Variants in PIK3R6 observed in about 807,000 individuals in gnomAD.
PIK3R6 encodes the protein phosphoinositide 3-kinase regulatory subunit 6.
PIK3R6 carries 91 observed loss-of-function variants against 84.9 expected under a neutral mutation model. The ratio of observed to expected loss-of-function variants is 1.07; its 90% CI spans 0.90 to 1.28. PIK3R6 has a LOEUF of 1.28. PIK3R6 is among the 50% of genes most tolerant of loss of function. The pLI, the probability that PIK3R6 is intolerant of heterozygous loss-of-function variation, is 0.00. For missense variants in PIK3R6, 996 were observed against 985.1 expected, an observed-to-expected ratio of 1.01 and a Z score of -0.15; for synonymous variants, 416 against 411.4, an observed-to-expected ratio of 1.01 and a Z score of -0.13.
intron 2 of PIK3R6, among the ~76,000 whole-genome samples, chr17:8,848,413 G>T (rs949045341): frequency 6.6e-5 from 10 of 152,002 alleles, no homozygotes; most frequent in African/African-American, 2.4e-4. Flanking sequence ...AATATGTCAC[G>T]GGGCAATTTC....
chr17:8,840,614 T>G (rs2088645516), intron 2 of PIK3R6, among the ~76,000 whole-genome samples: 1 of 147,804 alleles, frequency 6.8e-6, no homozygotes, highest in African/African-American at 2.5e-5. Context: ...GTATATGAAA[T>G]GTATATCCTC....
At position 8,829,742 on chromosome 17, in the gene PIK3R6, T is replaced by G; in HGVS notation, c.853A>C (p.Ile285Leu). Residue 285 changes from isoleucine (I) to leucine (L), a missense_variant, in exon 10 of 20, where the codon ATC (isoleucine) becomes CTC (leucine). Transcript: ENST00000619866. ...TCACCGGTCCACAAGTGGAAGGTGA[T>G]GTAGGGGCTGGGCAGGGGAATGCTT... ...PPSIPLPSPY[I>L]TFHLWTGEEQ... 1 of 1,553,746 alleles carries G rather than the reference T, an allele frequency of 6.4e-7. No homozygotes were observed. The highest frequency in any genetic ancestry group is 1.2e-5 in the South Asian group (1 of 84,134).
intron 18 of PIK3R6, among the ~76,000 whole-genome samples, chr17:8,818,469 C>T (rs936626031): frequency 3.9e-5 from 6 of 152,156 alleles, no homozygotes; most frequent in South Asian, 2.1e-4. Context: ...GTCAGCATGA[C>T]GAAACCCTGT....
chr17:8,813,020 G>T (rs2087404020), intron 18 of PIK3R6, among the ~76,000 whole-genome samples: 1 of 152,034 alleles, frequency 6.6e-6, no homozygotes. Flanking sequence ...GAAAAAAAGA[G>T]AGAAGAATCA....
chr17:8,823,334 T>C, intron 14 of PIK3R6, 53 bp downstream of exon 14: 1 of 1,325,758 alleles, frequency 7.5e-7, no homozygotes, highest in South Asian at 1.2e-5. Context: ...AGAGCCTGGG[T>C]ATTTAATCGG....
At chr17:8,818,416 C>T (rs536500735) in intron 18 of PIK3R6, among the ~76,000 whole-genome samples, 15 of 152,154 alleles carry the variant, frequency 9.9e-5, no homozygotes, top group Admixed American at 4.6e-4. Flanking sequence ...TGGGAGGCTG[C>T]GGCAGGTGCA....
rs902379992 is a variant in PIK3R6 at position 8,837,865 on chromosome 17, T to C, written c.196A>G (p.Ser66Gly). Residue 66 changes from serine (S) to glycine (G), a missense_variant, in exon 5 of 20, where the codon AGC becomes GGC. Physicochemically the swap from Ser to Gly is moderately conservative, Grantham distance 56. Transcript: ENST00000619866. ...ILLRELEKAESQDLRHVIIPL... is the reference protein window; with the variant it reads ...ILLRELEKAEGQDLRHVIIPL... ...ATGATGACATGCCGGAGGTCCTGGC[T>C]TTCCGCCTGGAAAACAGGAGATCAC... The C allele has an allele frequency of 1.2e-6, 2 of 1,613,782 alleles. No individual in the cohort carries two copies. Among genetic ancestry groups the C allele is most frequent in the Admixed American group, 1.7e-5 (1 of 60,014 alleles).
At chr17:8,822,545 G>A (rs746416314) in intron 16 of PIK3R6, 42 bp downstream of exon 16, 2 of 1,599,386 alleles carry the variant, frequency 1.3e-6, no homozygotes, top group African/African-American at 1.3e-5. Context: ...CCCTCCAGCT[G>A]TACCTCTTGG....
At chr17:8,836,678 C>T in intron 6 of PIK3R6, 62 bp from the exon 7 acceptor site, 1 of 1,613,380 alleles carries the variant, frequency 6.2e-7, no homozygotes, top group Non-Finnish European at 8.5e-7. Context: ...TCTCCACCTT[C>T]CTACAGAAGG....
At chr17:8,852,562 A>G (rs2151301229) in intron 1 of PIK3R6, among the ~76,000 whole-genome samples, 1 of 152,096 alleles carries the variant, frequency 6.6e-6, no homozygotes, top group South Asian at 2.1e-4. Context: ...ACGTGGTGAA[A>G]CCCCGTCTCT....
intron 18 of PIK3R6, among the ~76,000 whole-genome samples, chr17:8,805,772 G>T (rs2087186862): frequency 6.6e-6 from 1 of 152,170 alleles, no homozygotes; most frequent in Non-Finnish European, 1.5e-5. Context: ...AAAAAAATTA[G>T]CCAGGCGTAG....
chr17:8,813,993 AAGC>A (rs1281799911), intron 18 of PIK3R6, among the ~76,000 whole-genome samples: 2 of 152,302 alleles, frequency 1.3e-5, no homozygotes, highest in Middle Eastern at 3.4e-3. Context: ...CAGGCATAAT[AAGC>A]AGGCTTACCC....
chr17:8,829,676 C>T, intron 10 of PIK3R6, 30 bp downstream of exon 10: 1 of 1,540,492 alleles, frequency 6.5e-7, no homozygotes, highest in Non-Finnish European at 8.8e-7. Context: ...ACATATACCA[C>T]TGTTTCCAGA....
rs1356463626 is a variant in PIK3R6 at position 8,844,585 on chromosome 17, GTATTAA to G, written c.14-4894_14-4889del. 6.6e-6 allele frequency among the ~76,000 whole-genome samples: 1 copy of G among 151,662 alleles called. No individual in the cohort carries two copies. Among genetic ancestry groups the G allele is most frequent in the Non-Finnish European group, 1.5e-5 (1 of 67,920 alleles). ...AGGAATGTGGGATATTACTAATTAGGTATTAATATTATTATTAATATTAAACTTTTT... is the reference window on the plus strand; with the variant it reads ...AGGAATGTGGGATATTACTAATTAGGTATTATTATTAATATTAAACTTTTT... On this transcript the variant is annotated intron_variant, in intron 2 of 19. Transcript: ENST00000619866. This position sits in a 1 kb window ranked among gnomAD's most constrained non-coding sequence, Gnocchi z 4.5.
intron 18 of PIK3R6, among the ~76,000 whole-genome samples, chr17:8,804,730 T>G (rs2087148908): frequency 6.6e-6 from 1 of 152,146 alleles, no homozygotes; most frequent in Non-Finnish European, 1.5e-5. Flanking sequence ...GGCAGAGAAC[T>G]TGGAGCATTG....
At chr17:8,829,509 C>CT (rs1491296982) in intron 10 of PIK3R6, among the ~76,000 whole-genome samples, 197 bp downstream of exon 10, 2 of 117,706 alleles carry the variant, frequency 1.7e-5, no homozygotes, top group Admixed American at 1.7e-4. Flanking sequence ...CTGACACACA[C>CT]TCATGCATAC....
chr17:8,867,504 G>T (rs761311850), intron 1 of PIK3R6, 25 bp downstream of exon 1: 1 of 411,812 alleles, frequency 2.4e-6, no homozygotes, highest in Admixed American at 2.4e-5. Context: ...CCTGCCTGGC[G>T]ATCTCCATCC....
chr17:8,814,622 T>G (rs2087468062), intron 18 of PIK3R6, among the ~76,000 whole-genome samples: 1 of 151,382 alleles, frequency 6.6e-6, no homozygotes, highest in Non-Finnish European at 1.5e-5. Flanking sequence ...CCCCCAAAAT[T>G]GAAGAAATGA....
intron 18 of PIK3R6, among the ~76,000 whole-genome samples, chr17:8,814,037 G>A (rs74552557): frequency 0.023 from 3,454 of 152,094 alleles, 130 homozygotes; most frequent in African/African-American, 0.076. Flanking sequence ...TTTACTCGCT[G>A]AGGCAGGAGC....
Sources: allele counts gnomAD v4.1 joint callset (sites outside exome capture counted in the v4.1 genomes callset), GRCh38; gene constraint gnomAD v4.1.1; non-coding constraint Gnocchi (gnomAD v3.1); transcripts MANE v1.5; gene names NCBI Gene and HGNC (gene_info 2026-07-23, HGNC 2026-07-21).